HS3ST4: variants seen among roughly 807,000 people sequenced by gnomAD.
HS3ST4 encodes heparan sulfate glucosamine 3-O-sulfotransferase 4.
HS3ST4 carries 17 observed loss-of-function variants against 29.2 expected under a neutral mutation model. That is an observed-to-expected ratio of 0.58 (90% CI 0.40 to 0.87). The LOEUF (loss-of-function observed/expected upper bound fraction) is 0.87. Among genes scored for constraint, HS3ST4 ranks in the 40% least tolerant of loss-of-function variants. The probability of loss-of-function intolerance (pLI) is 0.00; values close to 1 mark genes in which losing one functional copy is unlikely to be tolerated. For missense variants in HS3ST4, 627 were observed against 634.5 expected, an observed-to-expected ratio of 0.99 and a Z score of 0.13; for synonymous variants, 314 against 285.7, an observed-to-expected ratio of 1.10 and a Z score of -1.00.
intron 1 of HS3ST4, among the ~76,000 whole-genome samples, chr16:25,805,537 C>G (rs1250999285): frequency 6.6e-6 from 1 of 151,926 alleles, no homozygotes; most frequent in African/African-American, 2.4e-5. Flanking sequence ...TGATTTCACC[C>G]TGGTATCGGC....
intron 1 of HS3ST4, among the ~76,000 whole-genome samples, chr16:26,093,793 G>T (rs1247945637): frequency 6.6e-6 from 1 of 152,146 alleles, no homozygotes; most frequent in Non-Finnish European, 1.5e-5. Context: ...GGCTTCAGAA[G>T]GTTGGTAATA....
intron 1 of HS3ST4, among the ~76,000 whole-genome samples, chr16:25,878,754 T>C (rs1381934603): frequency 6.6e-6 from 1 of 152,192 alleles, no homozygotes; most frequent in Non-Finnish European, 1.5e-5. Context: ...GATTCCATTA[T>C]GTAGCATATT....
At chr16:25,792,597 A>G (rs1273150274) in intron 1 of HS3ST4, among the ~76,000 whole-genome samples, 1 of 151,876 alleles carries the variant, frequency 6.6e-6, no homozygotes, top group Non-Finnish European at 1.5e-5. Flanking sequence ...AAATTTCTAA[A>G]TATTCTTATG....
intron 1 of HS3ST4, among the ~76,000 whole-genome samples, chr16:25,892,724 T>C (rs1233481255): frequency 6.6e-6 from 1 of 152,230 alleles, no homozygotes; most frequent in Admixed American, 6.5e-5. Context: ...TGAGGAATTC[T>C]GTCTCTATCT....
chr16:25,812,308 C>T (rs1391058259), intron 1 of HS3ST4, among the ~76,000 whole-genome samples: 2 of 152,142 alleles, frequency 1.3e-5, no homozygotes, highest in African/African-American at 4.8e-5. Context: ...CCATTACGTC[C>T]CAGCTCACAC....
chr16:26,041,964 C>A (rs1596660355), intron 1 of HS3ST4, among the ~76,000 whole-genome samples: 1 of 152,246 alleles, frequency 6.6e-6, no homozygotes. Context: ...CATTATAATG[C>A]AGGTCATTAA....
chr16:25,791,737 A>G (rs965274635), intron 1 of HS3ST4, among the ~76,000 whole-genome samples: 1 of 152,100 alleles, frequency 6.6e-6, no homozygotes, highest in African/African-American at 2.4e-5. Context: ...TGATTTGGAT[A>G]TTGGCCAGAT....
chr16:26,095,283 A>G (rs1898908885), intron 1 of HS3ST4, among the ~76,000 whole-genome samples: 1 of 152,180 alleles, frequency 6.6e-6, no homozygotes, highest in East Asian at 1.9e-4. Context: ...ACATCTACAG[A>G]ACTCTCCACC....
intron 1 of HS3ST4, among the ~76,000 whole-genome samples, chr16:25,842,525 C>G (rs1247760042): frequency 6.6e-6 from 1 of 152,116 alleles, no homozygotes; most frequent in African/African-American, 2.4e-5. Context: ...CTTTTTCTTC[C>G]CAGTATCTTG....
At chr16:25,800,974 C>T (rs1450961183) in intron 1 of HS3ST4, among the ~76,000 whole-genome samples, 1 of 152,134 alleles carries the variant, frequency 6.6e-6, no homozygotes, top group Non-Finnish European at 1.5e-5. Flanking sequence ...ATAAATCACC[C>T]AATCCAAGGT....
At chr16:26,014,201 A>T (rs911125960) in intron 1 of HS3ST4, among the ~76,000 whole-genome samples, 1 of 152,090 alleles carries the variant, frequency 6.6e-6, no homozygotes, top group Non-Finnish European at 1.5e-5. Flanking sequence ...TGTAAACTCT[A>T]TGAGGACAGG....
chr16:25,964,016 C>G (rs1426260929), intron 1 of HS3ST4, among the ~76,000 whole-genome samples: 2 of 151,862 alleles, frequency 1.3e-5, no homozygotes, highest in Admixed American at 6.6e-5. Flanking sequence ...ACTTTAAAAA[C>G]GTACAAAAAT....
At chr16:25,762,399 C>T (rs1047737364) in intron 1 of HS3ST4, among the ~76,000 whole-genome samples, 4 of 152,138 alleles carry the variant, frequency 2.6e-5, no homozygotes, top group Non-Finnish European at 4.4e-5. Flanking sequence ...ATGGGCTGGG[C>T]AGTTCCTTGA....
intron 1 of HS3ST4, among the ~76,000 whole-genome samples, chr16:26,125,198 G>T (rs532103566): frequency 6.6e-6 from 1 of 152,122 alleles, no homozygotes; most frequent in South Asian, 2.1e-4. Flanking sequence ...TCAGAAATTC[G>T]TCAGTATTAT....
In HS3ST4 at chr16:26,098,672, A is replaced by G. The variant is rs148516657; in HGVS notation, c.735-36940A>G. On this transcript the variant is annotated intron_variant, in intron 1 of 1. Transcript: ENST00000331351. ...TGGGTGCAACAAACCAACATGGCAC[A>G]TGTTTACCTATGTATCAAACCTGCA... 5.9e-3 allele frequency among the ~76,000 whole-genome samples: 901 copies of G among 152,172 alleles called. 9 individuals are homozygous for G. The highest frequency in any genetic ancestry group is 0.021 in the African/African-American group (852 of 41,502).
intron 1 of HS3ST4, among the ~76,000 whole-genome samples, chr16:25,981,593 A>C (rs114697420): frequency 0.027 from 3,912 of 143,192 alleles, 188 homozygotes; most frequent in African/African-American, 0.095. Flanking sequence ...CATACTGCTG[A>C]TGTAATGGTG....
chr16:25,971,841 G>T (rs923501960), intron 1 of HS3ST4, among the ~76,000 whole-genome samples: 7 of 152,164 alleles, frequency 4.6e-5, no homozygotes, highest in Non-Finnish European at 8.8e-5. Context: ...TGAGGTGTGA[G>T]AATCGCTTGA....
chr16:26,134,689 C>T (rs1898257572), intron 1 of HS3ST4, among the ~76,000 whole-genome samples: 1 of 152,118 alleles, frequency 6.6e-6, no homozygotes, highest in Non-Finnish European at 1.5e-5. Flanking sequence ...AGATATAATT[C>T]AATTTGCTGA....
At chr16:25,803,356 C>CT (rs1966959161) in intron 1 of HS3ST4, among the ~76,000 whole-genome samples, 1 of 152,116 alleles carries the variant, frequency 6.6e-6, no homozygotes, top group Non-Finnish European at 1.5e-5. Context: ...GTGAGAATTC[C>CT]TCCCTGTCTC....
Sources: gnomAD v4.1 joint callset for allele counts (sites outside exome capture counted in the v4.1 genomes callset) on GRCh38, gnomAD v4.1.1 for gene constraint, MANE v1.5 for transcripts, NCBI Gene and HGNC (gene_info 2026-07-23, HGNC 2026-07-21) for gene names.